The following DGKI variants were observed in gnomAD, a reference collection of about 807,000 sequenced individuals.
DGKI encodes diacylglycerol kinase iota, also known as DAG kinase iota.
A neutral mutation model predicts 147.5 loss-of-function variants in DGKI; 55 were observed. That is an observed-to-expected ratio of 0.37 (90% confidence interval 0.30 to 0.47). The LOEUF (loss-of-function observed/expected upper bound fraction) is 0.47, where lower values mean the gene tolerates loss of function less well. Ranked by LOEUF, DGKI falls within the 20% of genes least tolerant of loss-of-function variation. The pLI is 1.00. For missense variants in DGKI, 1,007 were observed against 1,323.8 expected (o/e 0.76, Z 3.71); for synonymous variants, 469 against 477.1 (o/e 0.98, Z 0.22).
chr7:137,545,816 G>T, intron 20 of DGKI: 1 of 610,808 alleles, frequency 1.6e-6, no homozygotes, highest in Non-Finnish European at 3.0e-6. Context: ...GAACAGACCT[G>T]TGAAGGCAAG....
chr7:137,751,246 C>T (rs1380921624), intron 1 of DGKI, among the ~76,000 whole-genome samples: 1 of 152,222 alleles, frequency 6.6e-6, no homozygotes, highest in East Asian at 1.9e-4. Flanking sequence ...AAATTTTCTA[C>T]ACATAGACTT....
chr7:137,423,473 T>C (rs954435348), intron 28 of DGKI, among the ~76,000 whole-genome samples: 2 of 152,224 alleles, frequency 1.3e-5, no homozygotes, highest in African/African-American at 4.8e-5. Context: ...CTGAGAGTAA[T>C]GGATGGTTAC....
At chr7:137,610,125 A>T (rs776479507) in intron 8 of DGKI, among the ~76,000 whole-genome samples, 6 of 151,374 alleles carry the variant, frequency 4.0e-5, no homozygotes, top group Non-Finnish European at 8.8e-5. Context: ...GTGACTCTTG[A>T]CCCTACTCGA....
chr7:137,620,282 A>G (rs1820701417), intron 7 of DGKI, among the ~76,000 whole-genome samples: 1 of 152,108 alleles, frequency 6.6e-6, no homozygotes, highest in African/African-American at 2.4e-5. Context: ...ATTTACTTAA[A>G]AGTTTTAGAG....
chr7:137,468,748 T>C (rs1041817847), intron 24 of DGKI, among the ~76,000 whole-genome samples: 2 of 152,214 alleles, frequency 1.3e-5, no homozygotes, highest in African/African-American at 4.8e-5. Context: ...AGATCTCTGC[T>C]GCTGCCATCC....
At chr7:137,411,634 C>T (rs1449591770) in intron 29 of DGKI, among the ~76,000 whole-genome samples, 1 of 152,170 alleles carries the variant, frequency 6.6e-6, no homozygotes, top group Non-Finnish European at 1.5e-5. Context: ...ATTTTACATT[C>T]ACCCTCAGGG....
chr7:137,482,291 C>A (rs975155137), intron 23 of DGKI, among the ~76,000 whole-genome samples: 16 of 151,860 alleles, frequency 1.1e-4, no homozygotes, highest in African/African-American at 3.9e-4. Flanking sequence ...TTTCCAGCTT[C>A]CCTGCTGCTT....
chr7:137,605,262 C>T (rs765873046), intron 10 of DGKI, among the ~76,000 whole-genome samples: 11 of 150,792 alleles, frequency 7.3e-5, no homozygotes, highest in Non-Finnish European at 1.5e-4. Context: ...GAGCTGAGAT[C>T]GTGTCACTGC....
intron 12 of DGKI, among the ~76,000 whole-genome samples, chr7:137,596,954 G>A (rs1369958714): frequency 6.6e-6 from 1 of 152,080 alleles, no homozygotes; most frequent in South Asian, 2.1e-4. Context: ...TTCCAAATCC[G>A]GAAGAAAAAG....
intron 19 of DGKI, among the ~76,000 whole-genome samples, chr7:137,562,191 A>G (rs1299974154): frequency 6.6e-6 from 1 of 152,004 alleles, no homozygotes; most frequent in African/African-American, 2.4e-5. Flanking sequence ...CAAATACATT[A>G]ATGCTGATTT....
intron 3 of DGKI, among the ~76,000 whole-genome samples, chr7:137,657,648 A>C (rs978095439): frequency 6.6e-6 from 1 of 152,186 alleles, no homozygotes; most frequent in African/African-American, 2.4e-5. Context: ...TGGGCTATCA[A>C]AGCATCCAAG....
chr7:137,771,775 G>T (rs925072652), intron 1 of DGKI: 1 of 152,156 alleles, frequency 6.6e-6, no homozygotes, highest in Admixed American at 6.5e-5. Flanking sequence ...CCCTGGGTGA[G>T]TCTGGAAGCT....
chr7:137,586,745 C>T (rs1819415786), intron 13 of DGKI, among the ~76,000 whole-genome samples: 1 of 152,128 alleles, frequency 6.6e-6, no homozygotes, highest in South Asian at 2.1e-4. Context: ...ATGTGCTATC[C>T]TAGCTGGGGC....
At chr7:137,391,656 G>A (rs1385252054) in intron 32 of DGKI, among the ~76,000 whole-genome samples, 1 of 152,204 alleles carries the variant, frequency 6.6e-6, no homozygotes, top group Non-Finnish European at 1.5e-5. Flanking sequence ...GAAGGAAACA[G>A]TGGGGTAAAG....
intron 21 of DGKI, among the ~76,000 whole-genome samples, chr7:137,490,904 A>G (rs1437218847): frequency 1.3e-5 from 2 of 152,232 alleles, no homozygotes; most frequent in Non-Finnish European, 2.9e-5. Context: ...AGTTCTAACT[A>G]AGTGAAAAGA....
At chr7:137,755,558 T>C (rs956071914) in intron 1 of DGKI, among the ~76,000 whole-genome samples, 1 of 152,194 alleles carries the variant, frequency 6.6e-6, no homozygotes, top group African/African-American at 2.4e-5. Flanking sequence ...CTTAAGTCTC[T>C]TAGGGCATTG....
intron 27 of DGKI, among the ~76,000 whole-genome samples, chr7:137,452,354 C>A (rs1208713906): frequency 6.6e-6 from 1 of 152,188 alleles, no homozygotes; most frequent in Admixed American, 6.5e-5. Flanking sequence ...ACGGGCCTGA[C>A]TGAAATAGCC....
chr7:137,713,035 C>T (rs894708568), intron 1 of DGKI, among the ~76,000 whole-genome samples: 1 of 152,196 alleles, frequency 6.6e-6, no homozygotes, highest in African/African-American at 2.4e-5. Flanking sequence ...CTAATTGCCA[C>T]AGTTTCTAAA....
intron 1 of DGKI, among the ~76,000 whole-genome samples, chr7:137,738,634 GT>G (rs1660079356): frequency 1.3e-5 from 2 of 151,706 alleles, no homozygotes; most frequent in African/African-American, 4.8e-5. Flanking sequence ...ACTTCCTCTT[GT>G]ACAGTTTTGG....
Sources: gnomAD v4.1 joint callset for allele counts (sites outside exome capture counted in the v4.1 genomes callset) on GRCh38, gnomAD v4.1.1 for gene constraint, MANE v1.5 for transcripts, NCBI Gene and HGNC (gene_info 2026-07-23, HGNC 2026-07-21) for gene names.